Variants in PHACTR2 observed in about 807,000 individuals in gnomAD.
PHACTR2 encodes the protein chromosome 6 open reading frame 56.
In PHACTR2, 30 loss-of-function variants were observed where a neutral mutation model predicts 76.0. The ratio of observed to expected loss-of-function variants is 0.39; its 90% CI spans 0.30 to 0.54. The LOEUF is 0.54. Among genes scored for constraint, PHACTR2 ranks in the 20% least tolerant of loss-of-function variants. The probability of loss-of-function intolerance (pLI) is 0.61; values close to 1 mark genes in which losing one functional copy is unlikely to be tolerated. For synonymous variants in PHACTR2, 292 were observed against 292.5 expected, an observed-to-expected ratio of 1.00 and a Z score of 0.02; for missense variants, 696 against 781.1, an observed-to-expected ratio of 0.89 and a Z score of 1.30.
At chr6:143,686,073 A>G (rs1381130872) in intron 1 of PHACTR2, among the ~76,000 whole-genome samples, 1 of 151,364 alleles carries the variant, frequency 6.6e-6, no homozygotes, top group Non-Finnish European at 1.5e-5. Context: ...CGAAGGTTGT[A>G]GTGAGCCAAG....
chr6:143,582,863 A>G (rs1775591096), intron 1 of PHACTR2, among the ~76,000 whole-genome samples: 1 of 152,202 alleles, frequency 6.6e-6, no homozygotes, highest in Non-Finnish European at 1.5e-5. Context: ...GCATAAGAAA[A>G]TTGATGGCTC....
In PHACTR2 at chr6:143,556,683, C is replaced by T. The variant is rs1247381405; in HGVS notation, c.217+19476C>T. ...CTTTCAGCTGCTATCAGATTTGAAC[C>T]TCTCAGCTCACAGGGTGCTAACTAG... On this transcript the variant is annotated intron_variant, in intron 1 of 11. Coordinates refer to the PHACTR2 transcript ENST00000367584. The surrounding 1 kb of genome is among the most constrained non-coding windows in gnomAD (Gnocchi z 4.3). Among the ~76,000 whole-genome samples, 3 of 152,164 alleles carry T rather than the reference C, an allele frequency of 2.0e-5. No individual in the cohort carries two copies. The highest frequency in any genetic ancestry group is 4.4e-5 in the Non-Finnish European group (3 of 68,030).
rs1166110783 is a variant in PHACTR2, at chr6:143,580,433, C to G, written c.217+43226C>G. 1.3e-5 allele frequency among the ~76,000 whole-genome samples: 2 copies of G among 151,972 alleles called. No homozygotes were observed. Among genetic ancestry groups the G allele is most frequent in the African/African-American group, 2.4e-5 (1 of 41,360 alleles). ...CCAGGAGGCGGGGCTTGCAGTGAGC[C>G]GAGATCGTGCCACTGCACTCCAGCC... On this transcript the variant is annotated intron_variant, in intron 1 of 11. Coordinates refer to the PHACTR2 transcript ENST00000367584. The surrounding 1 kb of genome is among the most constrained non-coding windows in gnomAD (Gnocchi z 4.2).
intron 9 of PHACTR2, among the ~76,000 whole-genome samples, chr6:143,779,940 TTATATTATATTTAG>T (rs1775385160): frequency 6.8e-6 from 1 of 147,638 alleles, no homozygotes; most frequent in Admixed American, 6.8e-5. Flanking sequence ...TTATATTATA[TTATATTATATTTAG>T]TTATTCATTT....
chr6:143,607,563 T>C (rs73005348), upstream of PHACTR2, among the ~76,000 whole-genome samples: 11 of 146,564 alleles, frequency 7.5e-5, no homozygotes, highest in Non-Finnish European at 1.2e-4. Context: ...ATTAGTGACA[T>C]TCGGTGAAAA....
At position 143,546,709 on chromosome 6, in the gene PHACTR2, C is replaced by T. The variant is rs1164244299; in HGVS notation, c.217+9502C>T. Among the ~76,000 whole-genome samples the T allele has an allele frequency of 6.6e-6, 1 of 151,884 alleles. No homozygotes were observed. The highest frequency in any genetic ancestry group is 2.4e-5 in the African/African-American group (1 of 41,356). On this transcript the variant is annotated intron_variant, in intron 1 of 11. Transcript: ENST00000367584. This position sits in a 1 kb window ranked among gnomAD's most constrained non-coding sequence, Gnocchi z 4.9. ...TACTCCAGATGTTTGGAGAACAAGA[C>T]AGAAAGGTGTGATAATGATAAAGAA...
At position 143,827,241 on chromosome 6, in the gene PHACTR2, A is replaced by C. The variant is rs1007204521; in HGVS notation, c.*3552A>C. 1 of 144,760 alleles carries C rather than the reference A, an allele frequency of 6.9e-6. No individual in the cohort carries two copies. The highest frequency in any genetic ancestry group is 2.5e-5 in the African/African-American group (1 of 39,434). The allele number at this position is 144,760 out of a possible 1,614,324, so 9.0% of individuals were successfully genotyped here. On this transcript the variant is annotated 3_prime_UTR_variant, in exon 13 of 13. Coordinates refer to ENST00000440869, the MANE Select transcript of PHACTR2 (RefSeq NM_001100164.2). ...GTAGCTTACACTTAAAAGAGGAAAA[A>C]TTTGCATTAACATTGCATATTCTGA...
intron 1 of PHACTR2, among the ~76,000 whole-genome samples, chr6:143,666,642 T>C (rs1254919555): frequency 6.6e-6 from 1 of 152,264 alleles, no homozygotes. Context: ...TGATGAGTTT[T>C]CTTCCATATG....
chr6:143,544,100 C>T (rs1365815200), intron 1 of PHACTR2, among the ~76,000 whole-genome samples: 1 of 152,170 alleles, frequency 6.6e-6, no homozygotes, highest in African/African-American at 2.4e-5. Context: ...TAGAATTCCT[C>T]TTCCCTGAGG....
chr6:143,728,972 A>G (rs1439953445), intron 2 of PHACTR2, among the ~76,000 whole-genome samples: 1 of 152,242 alleles, frequency 6.6e-6, no homozygotes, highest in Non-Finnish European at 1.5e-5. Context: ...CAACAAAACA[A>G]AAAAGCACAA....
upstream of PHACTR2, among the ~76,000 whole-genome samples, chr6:143,675,240 A>G (rs1777219984): frequency 6.6e-6 from 1 of 152,228 alleles, no homozygotes; most frequent in Admixed American, 6.5e-5. This position sits in a 1 kb window ranked among gnomAD's most constrained non-coding sequence, Gnocchi z 4.9. Context: ...CTTGAAAAAT[A>G]TTTAGAGTGT....
In PHACTR2 at chr6:143,783,005, A is replaced by G. The variant is rs570343793; in HGVS notation, c.1646-214A>G. On this transcript the variant is annotated intron_variant, in intron 9 of 12. Coordinates refer to ENST00000440869, the MANE Select transcript of PHACTR2 (RefSeq NM_001100164.2). The surrounding 1 kb of genome is among the most constrained non-coding windows in gnomAD (Gnocchi z 5.2). The stretch of plus-strand genomic sequence containing the variant: ...AGCAAACCAGTCCTACAAAAAAAGC[A>G]TGTGTGTGTGTGTGTGTGTGTGTGT... 6.3e-3 allele frequency among the ~76,000 whole-genome samples: 919 copies of G among 146,238 alleles called. 9 individuals are homozygous for G. Among genetic ancestry groups the G allele is most frequent in the African/African-American group, 0.019 (750 of 39,608 alleles).
chr6:143,717,496 A>G (rs1778330200), intron 2 of PHACTR2, among the ~76,000 whole-genome samples: 1 of 152,214 alleles, frequency 6.6e-6, no homozygotes. Context: ...ATGTAATAAA[A>G]AAAACATGCC....
At chr6:143,609,849 C>T (rs535530541) in intron 1 of PHACTR2, among the ~76,000 whole-genome samples, 1 of 152,192 alleles carries the variant, frequency 6.6e-6, no homozygotes, top group African/African-American at 2.4e-5. Context: ...CTTAAAAATG[C>T]TAAGGGTTAT....
chr6:143,788,469 T>C (rs1183037774), intron 10 of PHACTR2, among the ~76,000 whole-genome samples: 2 of 152,164 alleles, frequency 1.3e-5, no homozygotes, highest in Non-Finnish European at 1.5e-5. Context: ...GCATGTTCCT[T>C]GCGTCAGGGA....
chr6:143,572,842 C>T (rs1181570247), intron 1 of PHACTR2, among the ~76,000 whole-genome samples: 1 of 152,170 alleles, frequency 6.6e-6, no homozygotes, highest in African/African-American at 2.4e-5. Flanking sequence ...CATGAGCCAC[C>T]GTGCCCAGCC....
At chr6:143,815,082 G>A (rs759226174) in intron 12 of PHACTR2, among the ~76,000 whole-genome samples, 5 of 152,164 alleles carry the variant, frequency 3.3e-5, no homozygotes, top group Non-Finnish European at 4.4e-5. Flanking sequence ...GTCCTCCACC[G>A]AGGAATGGAA....
Position 143,591,194 on chromosome 6 carries a change from G to A in PHACTR2, c.217+53987G>A, listed in dbSNP as rs763221101. The stretch of plus-strand genomic sequence containing the variant: ...CATTTGCTTGGGAATACGTGACAGA[G>A]CTGAAGGCAGAGAACAATGAAGTCA... On this transcript the variant is annotated intron_variant, in intron 1 of 11. Transcript: ENST00000367584. The surrounding 1 kb of genome is among the most constrained non-coding windows in gnomAD (Gnocchi z 6.4). 6.6e-5 allele frequency among the ~76,000 whole-genome samples: 10 copies of A among 152,116 alleles called. No individual in the cohort carries two copies. The highest frequency in any genetic ancestry group is 1.2e-4 in the Non-Finnish European group (8 of 68,014).
Position 143,783,331 on chromosome 6 carries a change from T to TA in PHACTR2, c.1707+60dup. The TA allele has an allele frequency of 9.2e-5, 97 of 1,057,678 alleles. No individual in the cohort carries two copies. The highest frequency in any genetic ancestry group is 2.7e-4 in the Middle Eastern group (1 of 3,734). The allele number at this position is 1,057,678 out of a possible 1,614,324, so 65.5% of individuals were successfully genotyped here. A position where few individuals can be genotyped will look rare whatever the true frequency, so the allele number is the denominator to read the frequency against. On this transcript the variant is annotated intron_variant, in intron 10 of 12. Coordinates refer to ENST00000440869, the MANE Select transcript of PHACTR2 (RefSeq NM_001100164.2). This position sits in a 1 kb window ranked among gnomAD's most constrained non-coding sequence, Gnocchi z 5.2. Reference sequence around the variant, plus strand: ...GCATATGTGTTTTGAGATATACTTTTAAAAAAAAATACTAATCCTCTCTGT... The same window carrying TA: ...GCATATGTGTTTTGAGATATACTTTTAAAAAAAAAATACTAATCCTCTCTGT...
Sources: gnomAD v4.1 joint callset for allele counts (sites outside exome capture counted in the v4.1 genomes callset) on GRCh38, gnomAD v4.1.1 for gene constraint, Gnocchi (gnomAD v3.1) non-coding constraint, MANE v1.5 for transcripts, NCBI Gene and HGNC (gene_info 2026-07-23, HGNC 2026-07-21) for gene names.